The following BABAM2 variants were observed in gnomAD, a reference collection of about 807,000 sequenced individuals.
BABAM2 encodes the protein BRISC and BRCA1 A complex member 2, also known as BRISC and BRCA1-A complex member 2.
A neutral mutation model predicts 54.7 loss-of-function variants in BABAM2; 31 were observed. The ratio of observed to expected loss-of-function variants is 0.57; its 90% CI spans 0.43 to 0.77. The LOEUF is 0.77. Among genes scored for constraint, BABAM2 ranks in the 30% least tolerant of loss-of-function variants. BABAM2 has a pLI of 0.00. For missense variants in BABAM2, 364 were observed against 455.8 expected (o/e 0.80, Z 1.83); for synonymous variants, 167 against 162.9 (o/e 1.03, Z -0.19).
At chr2:27,898,671 T>TGA (rs1665534212) in intron 2 of BABAM2, among the ~76,000 whole-genome samples, 1 of 151,412 alleles carries the variant, frequency 6.6e-6, no homozygotes, top group South Asian at 2.1e-4. Context: ...TTGTGCTAAG[T>TGA]GAGAGAAGCT....
intron 6 of BABAM2, among the ~76,000 whole-genome samples, chr2:28,101,409 T>G (rs1015363989): frequency 3.9e-5 from 6 of 152,234 alleles, no homozygotes; most frequent in African/African-American, 1.4e-4. Flanking sequence ...GGCAGGTATA[T>G]GTTGGCATGT....
At chr2:28,255,994 T>A (rs889836737) in intron 10 of BABAM2, among the ~76,000 whole-genome samples, 3 of 152,170 alleles carry the variant, frequency 2.0e-5, no homozygotes, top group African/African-American at 7.2e-5. Flanking sequence ...CAGGTGTTTT[T>A]TTTTGTGCCA....
chr2:28,233,094 G>A, intron 7 of BABAM2: 1 of 373,720 alleles, frequency 2.7e-6, no homozygotes, highest in Non-Finnish European at 5.6e-6. Context: ...TGAAGAGAGA[G>A]AAGGTACCTT....
At position 28,244,073 on chromosome 2, in the gene BABAM2, C is replaced by A. The variant is rs567772032; in HGVS notation, c.852-707C>A. Among the ~76,000 whole-genome samples, 31 of 152,274 alleles carry A rather than the reference C, an allele frequency of 2.0e-4. 1 individual carries two copies. Among genetic ancestry groups the A allele is most frequent in the African/African-American group, 7.2e-4 (30 of 41,564 alleles). ...TTGAGGCTACAGAATTGCGCCTTGG[C>A]CCATTCAGAGGTCAGGGGATGTTTT... On this transcript the variant is annotated intron_variant, in intron 9 of 11. Transcript: ENST00000379624.
At chr2:27,935,948 T>G (rs991564626) in intron 3 of BABAM2, among the ~76,000 whole-genome samples, 1 of 152,186 alleles carries the variant, frequency 6.6e-6, no homozygotes, top group African/African-American at 2.4e-5. Context: ...AGACAGGGTC[T>G]TGCTCTGTCT....
rs891104116 is a variant in BABAM2 at position 28,322,578 on chromosome 2, A to G, written c.1089-15872A>G. ...GATCCTGAGGTCTCGCCCAACAGCA[A>G]GGTTCTCTGGTTAGCACCAAATGAG... On this transcript the variant is annotated intron_variant, in intron 11 of 11. Transcript: ENST00000379624. The surrounding 1 kb of genome is among the most constrained non-coding windows in gnomAD (Gnocchi z 4.1). Among the ~76,000 whole-genome samples, 4 of 152,262 alleles carry G rather than the reference A, an allele frequency of 2.6e-5. No homozygotes were observed. Among genetic ancestry groups the G allele is most frequent in the East Asian group, 3.9e-4 (2 of 5,194 alleles).
chr2:28,254,777 G>C (rs367720249), intron 10 of BABAM2, among the ~76,000 whole-genome samples: 71 of 146,432 alleles, frequency 4.8e-4, no homozygotes, highest in African/African-American at 1.7e-3. Flanking sequence ...TGTAGACCAG[G>C]CCAACGTGCA....
chr2:27,893,561 TA>T (rs1301241098), intron 1 of BABAM2, among the ~76,000 whole-genome samples: 2 of 152,216 alleles, frequency 1.3e-5, no homozygotes, highest in East Asian at 1.9e-4. Context: ...ATTTATTTAT[TA>T]AAAAATGTTT....
intron 7 of BABAM2, among the ~76,000 whole-genome samples, chr2:28,196,840 T>A (rs1473633171): frequency 4.0e-5 from 4 of 98,770 alleles, no homozygotes; most frequent in African/African-American, 1.3e-4. Flanking sequence ...CCCTGTCTTT[T>A]TTTTTTTTTT....
intron 3 of BABAM2, among the ~76,000 whole-genome samples, chr2:27,958,985 G>A (rs1345418570): frequency 6.6e-6 from 1 of 152,128 alleles, no homozygotes; most frequent in East Asian, 1.9e-4. Flanking sequence ...TGAAATGGAA[G>A]GACACCACCT....
At chr2:28,131,063 T>TGAAA (rs141387201) in intron 7 of BABAM2, among the ~76,000 whole-genome samples, 1 of 5,792 alleles carries the variant, frequency 1.7e-4, no homozygotes, top group African/African-American at 2.5e-4. Flanking sequence ...TTATTATTAT[T>TGAAA]ATTATTATTA....
chr2:28,048,948 T>G (rs1258751852), intron 6 of BABAM2, among the ~76,000 whole-genome samples: 1 of 152,234 alleles, frequency 6.6e-6, no homozygotes. Flanking sequence ...ATTAGTGAAC[T>G]TAACAATATG....
intron 6 of BABAM2, among the ~76,000 whole-genome samples, chr2:28,084,082 G>A (rs1447332938): frequency 6.6e-6 from 1 of 152,148 alleles, no homozygotes; most frequent in Non-Finnish European, 1.5e-5. Context: ...TAGCGTGGCT[G>A]TCTTTTCCTT....
intron 4 of BABAM2, among the ~76,000 whole-genome samples, chr2:28,022,568 G>A (rs1347160442): frequency 2.0e-5 from 3 of 152,088 alleles, no homozygotes; most frequent in Non-Finnish European, 2.9e-5. Flanking sequence ...CTCTGAATGC[G>A]TTTTTCATTC....
chr2:28,207,664 T>C (rs10209422), intron 7 of BABAM2, among the ~76,000 whole-genome samples: 114,633 of 150,540 alleles, frequency 0.76, 44,203 homozygotes, highest in East Asian at 0.99. Flanking sequence ...TTTTGAACAT[T>C]GGTACTTGAG....
intron 3 of BABAM2, among the ~76,000 whole-genome samples, chr2:27,944,077 T>G (rs188015838): frequency 4.6e-5 from 7 of 152,280 alleles, no homozygotes; most frequent in African/African-American, 1.7e-4. Context: ...TTGGTACTGA[T>G]TATAGTTTAT....
intron 6 of BABAM2, among the ~76,000 whole-genome samples, chr2:28,105,626 A>G (rs1420717399): frequency 2.0e-5 from 3 of 152,208 alleles, no homozygotes; most frequent in Non-Finnish European, 2.9e-5. Flanking sequence ...TTTATCTTCA[A>G]GCGTTGTTGG....
intron 9 of BABAM2, among the ~76,000 whole-genome samples, chr2:28,241,615 C>G (rs1682439975): frequency 6.6e-6 from 1 of 152,064 alleles, no homozygotes; most frequent in Admixed American, 6.6e-5. Flanking sequence ...CTGCCTCAGT[C>G]TCCTGAGTAG....
At chr2:28,141,553 C>T (rs911210697) in intron 7 of BABAM2, among the ~76,000 whole-genome samples, 9 of 152,122 alleles carry the variant, frequency 5.9e-5, no homozygotes, top group Non-Finnish European at 4.4e-5. Flanking sequence ...GCCTCCCCAC[C>T]CAACACAAAC....
Sources: allele counts gnomAD v4.1 joint callset (sites outside exome capture counted in the v4.1 genomes callset), GRCh38; gene constraint gnomAD v4.1.1; non-coding constraint Gnocchi (gnomAD v3.1); transcripts MANE v1.5; gene names NCBI Gene and HGNC (gene_info 2026-07-23, HGNC 2026-07-21).